The following OTOF variants were observed in gnomAD, a reference collection of about 807,000 sequenced individuals.
OTOF encodes fer-1-like family member 2.
OTOF carries 218 observed loss-of-function variants against 236.8 expected under a neutral mutation model. That is an observed-to-expected ratio of 0.92 (90% CI 0.82 to 1.03). OTOF has a LOEUF of 1.03. Ranked by LOEUF, OTOF falls within the 50% of genes least tolerant of loss-of-function variation. OTOF has a pLI of 0.00. For synonymous variants in OTOF, 1,041 were observed against 1,072.5 expected, an observed-to-expected ratio of 0.97 and a Z score of 0.57; for missense variants, 2,590 against 2,694.4, an observed-to-expected ratio of 0.96 and a Z score of 0.86.
chr2:26,461,551 C>T lies in OTOF; in HGVS notation c.5533+145G>A, dbSNP rs867675425. On this transcript the variant is annotated intron_variant, in intron 43 of 46. Coordinates refer to ENST00000272371, the MANE Select transcript of OTOF (RefSeq NM_194248.3). The surrounding 1 kb of genome is among the most constrained non-coding windows in gnomAD (Gnocchi z 6.2). ...GTTAGGTGGGTCCTTGGGGGCGGAA[C>T]CCCGTCGGACACCCCTGGCTCTGAT... 1 of 1,131,224 alleles carries T rather than the reference C, an allele frequency of 8.8e-7. No homozygotes were observed. Among genetic ancestry groups the T allele is most frequent in the Non-Finnish European group, 1.3e-6 (1 of 781,626 alleles). 70.1% of individuals were successfully genotyped at this position (1,131,224 alleles called of 1,614,324 possible).
rs757708948 is a variant in OTOF at position 26,474,111 on chromosome 2, C to A, written c.3289-1G>T. The A allele has an allele frequency of 2.5e-6, 4 of 1,612,874 alleles. No individual in the cohort carries two copies. In the South Asian group the frequency reaches 3.3e-5, roughly 13 times the overall value. ...GGTCAGCCTTCCCTGCTGGTCCAAT[C>A]TGGGGAATGGGGGTCACAGGTCACA... is the stretch of plus-strand genomic sequence containing the variant. On this transcript the variant is annotated splice_acceptor_variant, in intron 26 of 46. Transcript: ENST00000272371. LOFTEE classifies it high-confidence loss of function.
At chr2:26,500,216 C>T (rs1281499174) in intron 8 of OTOF, among the ~76,000 whole-genome samples, 1 of 152,226 alleles carries the variant, frequency 6.6e-6, no homozygotes, top group African/African-American at 2.4e-5. Context: ...AGTTCCTGAC[C>T]TTCCTGGGGC....
chr2:26,495,269 G>A (rs925564310), intron 8 of OTOF, among the ~76,000 whole-genome samples, 196 bp from the exon 9 acceptor site: 1 of 152,132 alleles, frequency 6.6e-6, no homozygotes, highest in Admixed American at 6.6e-5. Flanking sequence ...TGCCTCAAGT[G>A]TCTTCATTTA....
chr2:26,552,877 G>A (rs1667497218), intron 1 of OTOF, among the ~76,000 whole-genome samples: 1 of 152,200 alleles, frequency 6.6e-6, no homozygotes, highest in South Asian at 2.1e-4. Flanking sequence ...CTTCAGCAGG[G>A]ACAATGCCAA....
chr2:26,502,170 G>C (rs1003542478), intron 7 of OTOF, 130 bp downstream of exon 7: 4 of 956,636 alleles, frequency 4.2e-6, no homozygotes, highest in Non-Finnish European at 6.5e-6. Flanking sequence ...AGCAGAAAAG[G>C]GTAAGGTTAG....
rs371893469 is a variant in OTOF at position 26,483,482 on chromosome 2, C to G, written c.1372G>C (p.Val458Leu). 1 of 1,613,920 alleles carries G rather than the reference C, an allele frequency of 6.2e-7. No individual in the cohort carries two copies. Among genetic ancestry groups the G allele is most frequent in the Non-Finnish European group, 8.5e-7 (1 of 1,180,024 alleles). Reference protein sequence around the residue: ...NKDLVDPYVQVFFAGQKGKTS... With the variant: ...NKDLVDPYVQLFFAGQKGKTS... ...AGTACCTTCTGGCCAGCAAAGAAGA[C>G]TTGCACGTAGGGGTCCACGAGGTCC... The change falls in exon 13 of 47, where the codon GTC becomes CTC. Residue 458 changes from valine to leucine, a missense_variant. Around this residue, in one of 2 missense-constraint regions of OTOF, gnomAD observed 1,379 missense variants for 1,341.6 expected, o/e 1.03. Coordinates refer to ENST00000272371, the MANE Select transcript of OTOF (RefSeq NM_194248.3).
chr2:26,460,788 TG>T lies in OTOF; in HGVS notation c.5713-42del. 6.2e-7 allele frequency: 1 copy of T among 1,613,564 alleles called. No individual in the cohort carries two copies. The highest frequency in any genetic ancestry group is 8.5e-7 in the Non-Finnish European group (1 of 1,179,580). ...AGGTCCCAGCGTCCAGGCTGCGTGC[TG>T]GGCCCTTGGCACCCCAGCCAGTCCC... On this transcript the variant is annotated intron_variant, in intron 44 of 46. Transcript: ENST00000272371. This position sits in a 1 kb window ranked among gnomAD's most constrained non-coding sequence, Gnocchi z 5.3.
intron 2 of OTOF, among the ~76,000 whole-genome samples, chr2:26,535,761 T>A (rs1366054164): frequency 6.6e-6 from 1 of 152,186 alleles, no homozygotes; most frequent in East Asian, 1.9e-4. Context: ...CGGCCTGGCA[T>A]GCACTAGATG....
chr2:26,515,829 G>A (rs992261014), intron 5 of OTOF, among the ~76,000 whole-genome samples: 1 of 152,228 alleles, frequency 6.6e-6, no homozygotes, highest in Non-Finnish European at 1.5e-5. Context: ...AATAGTGCAC[G>A]TGGAATGAGC....
Position 26,458,218 on chromosome 2 carries a change from C to T in OTOF, c.*20G>A, listed in dbSNP as rs201326023. On this transcript the variant is annotated splice_region_variant and 3_prime_UTR_variant, in exon 47 of 47. Coordinates refer to ENST00000272371, the MANE Select transcript of OTOF (RefSeq NM_194248.3). ...GAACCAGACGAAGGCCGTGTCGGGC[C>T]GGCTGGGAAGTGGAAGAGAGGAGCC... The T allele has an allele frequency of 6.8e-5, 108 of 1,578,266 alleles. 1 individual carries two copies. In the East Asian group the frequency reaches 1.3e-3, roughly 19 times the overall value.
Position 26,477,414 on chromosome 2 carries a change from A to T in OTOF, c.2406+2T>A. The T allele has an allele frequency of 6.3e-7, 1 of 1,582,972 alleles. No homozygotes were observed. The highest frequency in any genetic ancestry group is 8.6e-7 in the Non-Finnish European group (1 of 1,164,964). On this transcript the variant is annotated splice_donor_variant, in intron 20 of 46. Coordinates refer to ENST00000272371, the MANE Select transcript of OTOF (RefSeq NM_194248.3). LOFTEE classifies it high-confidence loss of function. The surrounding 1 kb of genome is among the most constrained non-coding windows in gnomAD (Gnocchi z 4.7). ...GCCCCCGCCGTCCAGTTGCGTCCTCACCAGCTCCCTCATGCAGGACTTGAG... is the reference window on the plus strand; with the variant it reads ...GCCCCCGCCGTCCAGTTGCGTCCTCTCCAGCTCCCTCATGCAGGACTTGAG...
chr2:26,464,751 G>A (rs1311545527), intron 39 of OTOF, 118 bp downstream of exon 39: 4 of 1,029,238 alleles, frequency 3.9e-6, no homozygotes, highest in East Asian at 2.6e-5. Flanking sequence ...CTAAGACCAG[G>A]TTTAGGCTGA....
chr2:26,497,375 G>A (rs1350420431), intron 8 of OTOF, among the ~76,000 whole-genome samples: 2 of 152,128 alleles, frequency 1.3e-5, no homozygotes, highest in South Asian at 2.1e-4. Context: ...AATTACAGGC[G>A]TGAGCCACTG....
chr2:26,546,186 C>G (rs555688380), intron 1 of OTOF, among the ~76,000 whole-genome samples: 2 of 152,168 alleles, frequency 1.3e-5, no homozygotes, highest in Non-Finnish European at 2.9e-5. Context: ...CATGGCCAGG[C>G]GAAGTGGCTC....
chr2:26,483,350 T>C, intron 13 of OTOF, 112 bp downstream of exon 13: 1 of 1,010,648 alleles, frequency 9.9e-7, no homozygotes, highest in Middle Eastern at 3.0e-4. Context: ...CTGGCCAACA[T>C]GATTTCCAGC....
In OTOF at chr2:26,470,764, G is replaced by C. The variant is rs1277554586; in HGVS notation, c.3895-43C>G. On this transcript the variant is annotated intron_variant, in intron 31 of 46. Coordinates refer to ENST00000272371, the MANE Select transcript of OTOF (RefSeq NM_194248.3). The surrounding 1 kb of genome is among the most constrained non-coding windows in gnomAD (Gnocchi z 4.3). ...CCAGAGTCCTACATGGACTCCTCCT[G>C]CCTGGACAATCCCGAGAGCCTCCAC... The C allele has an allele frequency of 1.2e-5, 20 of 1,604,638 alleles. No homozygotes were observed. The highest frequency in any genetic ancestry group is 4.0e-5 in the African/African-American group (3 of 74,708).
chr2:26,495,268 T>C (rs1665954334), intron 8 of OTOF, among the ~76,000 whole-genome samples, 195 bp from the exon 9 acceptor site: 1 of 152,216 alleles, frequency 6.6e-6, no homozygotes, highest in Admixed American at 6.5e-5. Flanking sequence ...ATGCCTCAAG[T>C]GTCTTCATTT....
At position 26,494,936 on chromosome 2, in the gene OTOF, A is replaced by C; in HGVS notation, c.897+6T>G. On this transcript the variant is annotated splice_donor_region_variant and intron_variant, in intron 9 of 46. Coordinates refer to ENST00000272371, the MANE Select transcript of OTOF (RefSeq NM_194248.3). Reference sequence around the variant, plus strand: ...CAGAGGCTCCTTTCCCCACAGGGCCACTGACCTCGTTGTAATAGGGGCAGT... The same window carrying C: ...CAGAGGCTCCTTTCCCCACAGGGCCCCTGACCTCGTTGTAATAGGGGCAGT... 6.8e-6 allele frequency: 11 copies of C among 1,614,086 alleles called. No homozygotes were observed. Among genetic ancestry groups the C allele is most frequent in the Non-Finnish European group, 9.3e-6 (11 of 1,179,990 alleles).
intron 41 of OTOF, 39 bp downstream of exon 41, chr2:26,463,443 TG>T: frequency 6.7e-7 from 1 of 1,491,526 alleles, no homozygotes; most frequent in Non-Finnish European, 9.2e-7. Context: ...GTGGGTGGGG[TG>T]GGCCGGAAGG....
Sources: allele counts gnomAD v4.1 joint callset (sites outside exome capture counted in the v4.1 genomes callset), GRCh38; gene constraint gnomAD v4.1.1; regional missense constraint gnomAD v4.1.1; non-coding constraint Gnocchi (gnomAD v3.1); transcripts MANE v1.5; gene names NCBI Gene and HGNC (gene_info 2026-07-23, HGNC 2026-07-21).